SLC9A9: variants seen among roughly 807,000 people sequenced by gnomAD.
SLC9A9 encodes the protein sodium/hydrogen exchanger 9.
In SLC9A9, 62 loss-of-function variants were observed where a neutral mutation model predicts 77.8. That is an observed-to-expected ratio of 0.80 (90% CI 0.65 to 0.98). The LOEUF is 0.98. Among genes scored for constraint, SLC9A9 ranks in the 50% least tolerant of loss-of-function variants. SLC9A9 has a pLI of 0.00. For synonymous variants in SLC9A9, 320 were observed against 283.5 expected, an observed-to-expected ratio of 1.13 and a Z score of -1.29; for missense variants, 775 against 774.9, an observed-to-expected ratio of 1.00 and a Z score of 0.00.
intron 14 of SLC9A9, among the ~76,000 whole-genome samples, chr3:143,357,621 C>A (rs1360149587): frequency 6.6e-6 from 1 of 152,134 alleles, no homozygotes; most frequent in African/African-American, 2.4e-5. Context: ...CCAGATGGGC[C>A]ACCTGAACTG....
intron 5 of SLC9A9, among the ~76,000 whole-genome samples, chr3:143,665,958 G>A (rs566532002): frequency 6.6e-5 from 10 of 152,224 alleles, no homozygotes; most frequent in African/African-American, 9.6e-5. Flanking sequence ...AGAAAAAGAC[G>A]GAATCCTTCC....
intron 14 of SLC9A9, among the ~76,000 whole-genome samples, chr3:143,352,124 C>G (rs2032470892): frequency 6.6e-6 from 1 of 152,150 alleles, no homozygotes; most frequent in South Asian, 2.1e-4. Context: ...CTGACACCCA[C>G]TCGCTGCTCT....
intron 4 of SLC9A9, among the ~76,000 whole-genome samples, chr3:143,732,843 A>G (rs934400384): frequency 6.6e-6 from 1 of 152,208 alleles, no homozygotes; most frequent in African/African-American, 2.4e-5. Context: ...GAGAAATAAA[A>G]GTGGTAAAAT....
chr3:143,760,340 G>A (rs2108831576), intron 4 of SLC9A9, among the ~76,000 whole-genome samples: 1 of 152,232 alleles, frequency 6.6e-6, no homozygotes, highest in East Asian at 1.9e-4. Flanking sequence ...TGGAAGTTCT[G>A]GCCAGGGCAA....
chr3:143,356,707 G>A (rs938211772), intron 14 of SLC9A9, among the ~76,000 whole-genome samples: 1 of 152,062 alleles, frequency 6.6e-6, no homozygotes, highest in African/African-American at 2.4e-5. Flanking sequence ...TAGAGGTGGG[G>A]TCTTGCTATG....
chr3:143,578,676 G>A lies in SLC9A9; in HGVS notation c.803C>T (p.Ala268Val). The change falls in exon 7 of 16, where the codon GCC (alanine) becomes GTC (valine). Residue 268 changes from alanine to valine, a missense_variant. Physicochemically the swap from Ala to Val is moderately conservative, Grantham distance 64 (BLOSUM62 0). Transcript: ENST00000316549. Reference protein sequence around the residue: ...SPKENPNAFDAAAFFQSVGNF... With the variant: ...SPKENPNAFDVAAFFQSVGNF... The stretch of plus-strand genomic sequence containing the variant: ...CCCCACAGACTGGAAGAATGCTGCG[G>A]CATCAAATGCATTTGGATTCTCCTT... 6.2e-7 allele frequency: 1 copy of A among 1,614,080 alleles called. No homozygotes were observed. Among genetic ancestry groups the A allele is most frequent in the Non-Finnish European group, 8.5e-7 (1 of 1,179,944 alleles).
intron 4 of SLC9A9, among the ~76,000 whole-genome samples, chr3:143,792,456 T>A (rs2008252897): frequency 6.6e-6 from 1 of 152,192 alleles, no homozygotes; most frequent in South Asian, 2.1e-4. Flanking sequence ...TTTTTGCCCA[T>A]AAGACAAGTG....
At chr3:143,802,320 G>A (rs11924554) in intron 2 of SLC9A9, among the ~76,000 whole-genome samples, 24,883 of 152,110 alleles carry the variant, frequency 0.16, 2,168 homozygotes, top group South Asian at 0.29. Context: ...ATGGAAATCT[G>A]TCCTCAAGGG....
chr3:143,649,837 T>G (rs1376073647), intron 6 of SLC9A9, among the ~76,000 whole-genome samples: 1 of 152,124 alleles, frequency 6.6e-6, no homozygotes, highest in Admixed American at 6.5e-5. Flanking sequence ...CAAGAATAAC[T>G]CTATCACTGT....
At chr3:143,524,612 G>A (rs2036372685) in intron 9 of SLC9A9, among the ~76,000 whole-genome samples, 1 of 152,104 alleles carries the variant, frequency 6.6e-6, no homozygotes, top group Non-Finnish European at 1.5e-5. Flanking sequence ...AGACTTTCCA[G>A]AGCCCCTATC....
intron 2 of SLC9A9, among the ~76,000 whole-genome samples, chr3:143,797,937 T>C (rs1261541738): frequency 6.6e-6 from 1 of 152,208 alleles, no homozygotes; most frequent in African/African-American, 2.4e-5. Context: ...CAGATGCATG[T>C]GAAATTTGGT....
chr3:143,738,012 A>G (rs1184003538), intron 4 of SLC9A9, among the ~76,000 whole-genome samples: 2 of 152,224 alleles, frequency 1.3e-5, no homozygotes, highest in Admixed American at 6.5e-5. Context: ...GTAACATTTT[A>G]TTCCATGCTT....
At chr3:143,557,046 G>C (rs1399321524) in intron 8 of SLC9A9, among the ~76,000 whole-genome samples, 2 of 152,100 alleles carry the variant, frequency 1.3e-5, no homozygotes, top group African/African-American at 4.8e-5. Context: ...CTTGAATTGT[G>C]GTTCTCATAA....
intron 14 of SLC9A9, among the ~76,000 whole-genome samples, chr3:143,277,708 T>C (rs557128935): frequency 2.7e-4 from 41 of 152,202 alleles, no homozygotes; most frequent in African/African-American, 8.9e-4. Flanking sequence ...GAGTGAGCCT[T>C]GGCTTTTAGT....
intron 6 of SLC9A9, among the ~76,000 whole-genome samples, chr3:143,604,435 AG>A (rs2037890669): frequency 1.3e-5 from 2 of 152,218 alleles, no homozygotes; most frequent in Admixed American, 1.3e-4. Context: ...TGACAGACAC[AG>A]TCTTCATAGA....
intron 6 of SLC9A9, among the ~76,000 whole-genome samples, chr3:143,636,936 A>G (rs2038533277): frequency 6.6e-6 from 1 of 152,202 alleles, no homozygotes; most frequent in African/African-American, 2.4e-5. Context: ...GCAAAGCCAA[A>G]TGACCCTACC....
intron 11 of SLC9A9, among the ~76,000 whole-genome samples, chr3:143,492,503 G>A (rs1336266882): frequency 6.6e-6 from 1 of 152,130 alleles, no homozygotes; most frequent in African/African-American, 2.4e-5. Flanking sequence ...TATGGACCAG[G>A]CTAGGATGGC....
At chr3:143,617,207 A>AGT (rs2038119975) in intron 6 of SLC9A9, among the ~76,000 whole-genome samples, 1 of 152,222 alleles carries the variant, frequency 6.6e-6, no homozygotes, top group Non-Finnish European at 1.5e-5. Context: ...TCTTACTTTG[A>AGT]TTAGGCAAGA....
intron 4 of SLC9A9, among the ~76,000 whole-genome samples, chr3:143,715,279 G>T (rs1311946545): frequency 5.3e-5 from 8 of 152,240 alleles, no homozygotes; most frequent in Admixed American, 1.3e-4. Context: ...CAATCAGGTG[G>T]TCCTGTCCAC....
Sources: gnomAD v4.1 joint callset for allele counts (sites outside exome capture counted in the v4.1 genomes callset) on GRCh38, gnomAD v4.1.1 for gene constraint, MANE v1.5 for transcripts, NCBI Gene and HGNC (gene_info 2026-07-23, HGNC 2026-07-21) for gene names.